Variants in SLC30A8 observed in about 807,000 individuals in gnomAD.
SLC30A8 encodes the protein proton-coupled zinc antiporter SLC30A8.
In SLC30A8, 27 loss-of-function variants were observed where a neutral mutation model predicts 36.9. That is an observed-to-expected ratio of 0.73 (90% CI 0.54 to 1.01). The LOEUF is 1.01. Among genes scored for constraint, SLC30A8 ranks in the 50% least tolerant of loss-of-function variants. The pLI, the probability that SLC30A8 is intolerant of heterozygous loss-of-function variation, is 0.00. For missense variants in SLC30A8, 439 were observed against 452.0 expected (o/e 0.97, Z 0.26); for synonymous variants, 164 against 172.4 (o/e 0.95, Z 0.38).
At chr8:117,113,195 T>C (rs1303926849) in intron 2 of SLC30A8, among the ~76,000 whole-genome samples, 1 of 152,104 alleles carries the variant, frequency 6.6e-6, no homozygotes, top group Non-Finnish European at 1.5e-5. Flanking sequence ...CCCTAGGCAA[T>C]TTGTATGCAC....
At chr8:117,132,839 A>T (rs1167077980), upstream of SLC30A8, among the ~76,000 whole-genome samples, 1 of 152,042 alleles carries the variant, frequency 6.6e-6, no homozygotes, top group African/African-American at 2.4e-5. Context: ...ATAATATGCA[A>T]TTCTTGATCA....
At chr8:117,151,540 C>T (rs1245579939) in intron 2 of SLC30A8, among the ~76,000 whole-genome samples, 1 of 152,190 alleles carries the variant, frequency 6.6e-6, no homozygotes, top group Non-Finnish European at 1.5e-5. Context: ...TCTCAGTTTC[C>T]AAGCCTCCAT....
chr8:116,977,315 AT>A (rs34483962), intron 1 of SLC30A8, among the ~76,000 whole-genome samples: 55,621 of 142,202 alleles, frequency 0.39, 11,588 homozygotes, highest in Admixed American at 0.51. Flanking sequence ...CACCTGGCTA[AT>A]TTTTTTTTTT....
intron 1 of SLC30A8, among the ~76,000 whole-genome samples, chr8:117,143,097 TA>T (rs1394596666): frequency 6.6e-6 from 1 of 151,814 alleles, no homozygotes; most frequent in African/African-American, 2.4e-5. Context: ...AATAAGAGGA[TA>T]AAAAAATACA....
chr8:117,114,020 A>G (rs1411529315), intron 2 of SLC30A8, among the ~76,000 whole-genome samples: 1 of 152,126 alleles, frequency 6.6e-6, no homozygotes, highest in Non-Finnish European at 1.5e-5. Flanking sequence ...CAGCTGGGTC[A>G]TGAGACCTCC....
intron 1 of SLC30A8, among the ~76,000 whole-genome samples, chr8:117,015,194 C>G (rs1304833078): frequency 6.6e-6 from 1 of 151,854 alleles, no homozygotes; most frequent in Non-Finnish European, 1.5e-5. Context: ...TAAAAGTTCC[C>G]CGCTATCTGA....
Position 117,044,374 on chromosome 8 carries a change from G to C in SLC30A8, c.-226+5116G>C, listed in dbSNP as rs1817480686. Among the ~76,000 whole-genome samples, 3 of 152,170 alleles carry C rather than the reference G, an allele frequency of 2.0e-5. No homozygotes were observed. The South Asian group carries it at 6.2e-4, about 32-fold the overall frequency. ...TTAGGTGATGTTATTCTCTGCAAAA[G>C]GGTGATGGAGAATCCAGTAACGAGG... On this transcript the variant is annotated intron_variant, in intron 2 of 10. Transcript: ENST00000427715.
At chr8:117,052,628 G>T (rs928822379) in intron 2 of SLC30A8, among the ~76,000 whole-genome samples, 1 of 152,232 alleles carries the variant, frequency 6.6e-6, no homozygotes, top group Non-Finnish European at 1.5e-5. Context: ...CACCATTCCT[G>T]GTGTGTTAGT....
At chr8:117,053,631 C>G (rs1817779621) in intron 2 of SLC30A8, among the ~76,000 whole-genome samples, 1 of 152,160 alleles carries the variant, frequency 6.6e-6, no homozygotes. Flanking sequence ...ACAAGCAAAT[C>G]ATGGTAGAAC....
intron 1 of SLC30A8, among the ~76,000 whole-genome samples, chr8:117,030,206 A>G (rs558462508): frequency 6.6e-6 from 1 of 151,986 alleles, no homozygotes; most frequent in East Asian, 1.9e-4. Flanking sequence ...GTCAGATGTT[A>G]GGCAAATCAG....
chr8:117,109,659 C>CAG (rs1158313331), intron 2 of SLC30A8, among the ~76,000 whole-genome samples: 1 of 152,208 alleles, frequency 6.6e-6, no homozygotes, highest in Admixed American at 6.5e-5. Context: ...TCTGACAATG[C>CAG]TGAAACACCC....
chr8:117,156,034 A>T (rs556957299), intron 3 of SLC30A8, among the ~76,000 whole-genome samples: 1 of 150,728 alleles, frequency 6.6e-6, no homozygotes, highest in East Asian at 2.0e-4. Context: ...TGAGGAACTG[A>T]AGATTAGTAC....
intron 2 of SLC30A8, among the ~76,000 whole-genome samples, chr8:117,098,573 A>G (rs916643122): frequency 1.8e-4 from 28 of 152,184 alleles, no homozygotes. Context: ...TAAGTGAGAA[A>G]GACACATCCT....
At chr8:117,007,694 G>A (rs910447065) in intron 1 of SLC30A8, among the ~76,000 whole-genome samples, 6 of 152,140 alleles carry the variant, frequency 3.9e-5, no homozygotes, top group Non-Finnish European at 8.8e-5. Context: ...AACTCTGCTG[G>A]ATACCTATCG....
At chr8:117,035,911 A>G (rs1028354298) in intron 1 of SLC30A8, among the ~76,000 whole-genome samples, 8 of 152,160 alleles carry the variant, frequency 5.3e-5, no homozygotes, top group Non-Finnish European at 8.8e-5. Context: ...TCAGGGTGCT[A>G]TGTCCTAAGG....
chr8:117,145,277 C>G (rs1254265854), intron 1 of SLC30A8, among the ~76,000 whole-genome samples: 1 of 151,962 alleles, frequency 6.6e-6, no homozygotes, highest in Non-Finnish European at 1.5e-5. Flanking sequence ...AAAATATATT[C>G]ATATATTACA....
At position 116,991,154 on chromosome 8, in the gene SLC30A8, G is replaced by A. The variant is rs536394738; in HGVS notation, c.-266+40035G>A. 1.0e-3 allele frequency among the ~76,000 whole-genome samples: 152 copies of A among 152,164 alleles called. 5 individuals are homozygous for A. The highest frequency in any genetic ancestry group is 8.8e-3 in the Admixed American group (135 of 15,276). On this transcript the variant is annotated intron_variant, in intron 1 of 10. Coordinates refer to the SLC30A8 transcript ENST00000427715. ...TCCTCCTTCTTTTCCCTTTACGAAT[G>A]AGATTCTAGAAGAATAGTCATCGTT...
At chr8:117,001,982 T>C (rs1165466063) in intron 1 of SLC30A8, among the ~76,000 whole-genome samples, 1 of 152,240 alleles carries the variant, frequency 6.6e-6, no homozygotes, top group Non-Finnish European at 1.5e-5. Context: ...GTGCCCATTA[T>C]GCTGAGCTCT....
At chr8:117,067,210 C>T (rs368422723) in intron 2 of SLC30A8, among the ~76,000 whole-genome samples, 28 of 152,200 alleles carry the variant, frequency 1.8e-4, no homozygotes, top group Admixed American at 1.2e-3. Context: ...TCTCACCACA[C>T]GTAGGGATTA....
Sources: gnomAD v4.1 joint callset for allele counts (sites outside exome capture counted in the v4.1 genomes callset) on GRCh38, gnomAD v4.1.1 for gene constraint, MANE v1.5 for transcripts, NCBI Gene and HGNC (gene_info 2026-07-23, HGNC 2026-07-21) for gene names.